Variants in RIOX1 observed in about 807,000 individuals in gnomAD.
RIOX1 encodes the protein ribosomal oxygenase 1, also known as 60S ribosomal protein L8 histidine hydroxylase.
Under a neutral mutation model 44.6 loss-of-function variants are expected in RIOX1, and 33 were observed. The ratio of observed to expected loss-of-function variants is 0.74; its 90% confidence interval spans 0.56 to 0.99. The LOEUF is 0.99. Ranked by LOEUF, RIOX1 falls within the 50% of genes least tolerant of loss-of-function variation. The probability of loss-of-function intolerance (pLI) is 0.00; values close to 1 mark genes in which losing one functional copy is unlikely to be tolerated. For synonymous variants in RIOX1, 387 were observed against 395.8 expected, an observed-to-expected ratio of 0.98 and a Z score of 0.26; for missense variants, 821 against 871.7, an observed-to-expected ratio of 0.94 and a Z score of 0.73.
At position 73,491,000 on chromosome 14, in the gene RIOX1, G is replaced by C; in HGVS notation, c.-18G>C. 7.3e-7 allele frequency: 1 copy of C among 1,377,908 alleles called. No individual in the cohort carries two copies. The highest frequency in any genetic ancestry group is 9.5e-7 in the Non-Finnish European group (1 of 1,057,774). The allele number at this position is 1,377,908 out of a possible 1,614,324, so 85.4% of individuals were successfully genotyped here. ...CGCCCCCGGCCGGCCGGGCGGGGAA[G>C]ACTGGTGTGGTCTGGCCATGGATGG... On this transcript the variant is annotated 5_prime_UTR_variant, in exon 1 of 1. Coordinates refer to ENST00000304061, the MANE Select transcript of RIOX1 (RefSeq NM_024644.5).
Position 73,491,338 on chromosome 14 carries a change from G to C in RIOX1, c.321G>C (p.Glu107Asp). The C allele has an allele frequency of 6.9e-7, 1 of 1,450,708 alleles. No homozygotes were observed. Among genetic ancestry groups the C allele is most frequent in the Non-Finnish European group, 9.1e-7 (1 of 1,103,600 alleles). The allele number at this position is 1,450,708 out of a possible 1,614,324, so 89.9% of individuals were successfully genotyped here. Reference sequence around the variant, plus strand: ...ACCTGGGGCCCGCAGAGCTGCTGGAGGCCTCGCCCGCCGCGCGCTCCCTGC... The same window carrying C: ...ACCTGGGGCCCGCAGAGCTGCTGGACGCCTCGCCCGCCGCGCGCTCCCTGC... ...YGHLGPAELL[E>D]ASPAARSLQT... is the part of the protein sequence containing the mutation. The change falls in exon 1 of 1, where the codon GAG becomes GAC. Residue 107 changes from glutamate (E) to aspartate (D), a missense_variant. By Grantham distance (45) the Glu-to-Asp change is conservative. Coordinates refer to ENST00000304061, the MANE Select transcript of RIOX1 (RefSeq NM_024644.5).
chr14:73,491,034 C>A lies in RIOX1; in HGVS notation c.17C>A (p.Ala6Asp). 1 of 1,560,766 alleles carries A rather than the reference C, an allele frequency of 6.4e-7. No homozygotes were observed. The highest frequency in any genetic ancestry group is 8.7e-7 in the Non-Finnish European group (1 of 1,152,122). Residue 6 changes from alanine (A) to aspartate (D), a missense_variant, in exon 1 of 1, where the codon GCC becomes GAC. Physicochemically the swap from Ala to Asp is moderately radical, Grantham distance 126. This residue lies in a region of RIOX1 where 554 missense variants were observed against 531.2 expected (regional missense o/e 1.04). Transcript: ENST00000304061. MDGLQ[A>D]SAGPLRRGRP... ...GGTCTGGCCATGGATGGGCTCCAGG[C>A]CAGTGCAGGGCCGTTGAGGCGCGGG...
chr14:73,492,203 T>C lies in RIOX1; in HGVS notation c.1186T>C (p.Leu396=). ...VLQTVLEPGD[L]LYFPRGFIHQ... ...GCAGACCGTGCTGGAACCTGGAGAT[T>C]TGCTGTATTTTCCTCGGGGCTTCAT... The change falls in exon 1 of 1, where the codon TTG becomes CTG. Residue 396 remains leucine (L), a synonymous_variant. Transcript: ENST00000304061. The surrounding 1 kb of genome is among the most constrained non-coding windows in gnomAD (Gnocchi z 4.9). The C allele has an allele frequency of 6.2e-7, 1 of 1,613,922 alleles. No individual in the cohort carries two copies. The highest frequency in any genetic ancestry group is 2.2e-5 in the East Asian group (1 of 44,876).
rs753709404 is a variant in RIOX1 at position 73,491,579 on chromosome 14, G to C, written c.562G>C (p.Val188Leu). The part of the protein sequence containing the change: ...EPAWDSPLRR[V>L]LAELNRIPSS... The stretch of plus-strand genomic sequence containing the variant: ...GGCCTGGGACTCCCCGCTGCGGCGC[G>C]TCTTGGCCGAGCTGAACCGCATCCC... The change falls in exon 1 of 1, where the codon GTC becomes CTC. Residue 188 changes from valine (V) to leucine (L), a missense_variant. By Grantham distance (32) the Val-to-Leu change is conservative (BLOSUM62 1). This residue lies in a region of RIOX1 where 554 missense variants were observed against 531.2 expected (regional missense o/e 1.04). Transcript: ENST00000304061. 2 of 1,543,774 alleles carry C rather than the reference G, an allele frequency of 1.3e-6. No individual in the cohort carries two copies. The highest frequency in any genetic ancestry group is 1.2e-5 in the South Asian group (1 of 83,742).
chr14:73,491,038 T>A lies in RIOX1; in HGVS notation c.21T>A (p.Ser7Arg), dbSNP rs978918880. Reference protein sequence around the residue: MDGLQASAGPLRRGRPK... With the variant: MDGLQARAGPLRRGRPK... ...TGGCCATGGATGGGCTCCAGGCCAG[T>A]GCAGGGCCGTTGAGGCGCGGGCGGC... Residue 7 changes from serine (S) to arginine (R), a missense_variant, in exon 1 of 1, where the codon AGT becomes AGA. This residue lies in a region of RIOX1 where 554 missense variants were observed against 531.2 expected (regional missense o/e 1.04). Coordinates refer to ENST00000304061, the MANE Select transcript of RIOX1 (RefSeq NM_024644.5). The A allele has an allele frequency of 6.3e-7, 1 of 1,583,782 alleles. No individual in the cohort carries two copies. The highest frequency in any genetic ancestry group is 8.6e-7 in the Non-Finnish European group (1 of 1,164,814).
rs1885879408 is a variant in RIOX1 at position 73,492,997 on chromosome 14, A to AC, written c.*56dup. 1.9e-5 allele frequency: 26 copies of AC among 1,376,178 alleles called. No homozygotes were observed. The highest frequency in any genetic ancestry group is 2.5e-5 in the Non-Finnish European group (26 of 1,044,588). The allele number at this position is 1,376,178 out of a possible 1,614,324, so 85.2% of individuals were successfully genotyped here. On this transcript the variant is annotated 3_prime_UTR_variant, in exon 1 of 1. Transcript: ENST00000304061. The surrounding 1 kb of genome is among the most constrained non-coding windows in gnomAD (Gnocchi z 4.9). ...GTAGTGATTCTCCGCTGCCACTGCT[A>AC]CCTTTTTTTTTTTTTTTTCCTTAAA...
rs1423377904 is a variant in RIOX1 at position 73,491,136 on chromosome 14, G to A, written c.119G>A (p.Arg40Gln). ...CTGCCCTTGAGGTCCAGGAAGATAC[G>A]AAAGCAGCTGCGAAGTGTTGTATCC... ...LALPLRSRKIRKQLRSVVSRM... is the reference protein window; with the variant it reads ...LALPLRSRKIQKQLRSVVSRM... The change falls in exon 1 of 1, where the codon CGA becomes CAA. Residue 40 changes from arginine (R) to glutamine (Q), a missense_variant. Physicochemically the swap from Arg to Gln is conservative, Grantham distance 43. Coordinates refer to ENST00000304061, the MANE Select transcript of RIOX1 (RefSeq NM_024644.5). 6.2e-7 allele frequency: 1 copy of A among 1,607,580 alleles called. No individual in the cohort carries two copies. Among genetic ancestry groups the A allele is most frequent in the Non-Finnish European group, 8.5e-7 (1 of 1,177,156 alleles).
In RIOX1 at chr14:73,492,252, G is replaced by A; in HGVS notation, c.1235G>A (p.Gly412Glu). The part of the protein sequence containing the change: ...GFIHQAECQD[G>E]VHSLHLTLST... ...ATTCACCAAGCTGAATGCCAGGATG[G>A]AGTCCACTCTCTGCACCTCACCTTG... Residue 412 changes from glycine (G) to glutamate (E), a missense_variant, in exon 1 of 1, where the codon GGA (glycine) becomes GAA (glutamate). Physicochemically the swap from Gly to Glu is moderately conservative, Grantham distance 98. Transcript: ENST00000304061. The surrounding 1 kb of genome is among the most constrained non-coding windows in gnomAD (Gnocchi z 4.9). 6.2e-7 allele frequency: 1 copy of A among 1,613,988 alleles called. No individual in the cohort carries two copies. The highest frequency in any genetic ancestry group is 8.5e-7 in the Non-Finnish European group (1 of 1,179,882).
At position 73,492,220 on chromosome 14, in the gene RIOX1, G is replaced by A; in HGVS notation, c.1203G>A (p.Arg401=). 6.2e-7 allele frequency: 1 copy of A among 1,613,962 alleles called. No homozygotes were observed. The highest frequency in any genetic ancestry group is 8.5e-7 in the Non-Finnish European group (1 of 1,179,888). Residue 401 remains arginine (R), a synonymous_variant, in exon 1 of 1, where the codon CGG becomes CGA. Transcript: ENST00000304061. The surrounding 1 kb of genome is among the most constrained non-coding windows in gnomAD (Gnocchi z 4.9). ...CTGGAGATTTGCTGTATTTTCCTCGGGGCTTCATTCACCAAGCTGAATGCC... is the reference window on the plus strand; with the variant it reads ...CTGGAGATTTGCTGTATTTTCCTCGAGGCTTCATTCACCAAGCTGAATGCC... The part of the protein sequence containing the change: ...LEPGDLLYFP[R]GFIHQAECQD...
rs992455047 is a variant in RIOX1, at chr14:73,491,869, C to A, written c.852C>A (p.Ala284=). 2 of 1,610,842 alleles carry A rather than the reference C, an allele frequency of 1.2e-6. No individual in the cohort carries two copies. Among genetic ancestry groups the A allele is most frequent in the African/African-American group, 2.7e-5 (2 of 74,850 alleles). Residue 284 remains alanine (A), a synonymous_variant, in exon 1 of 1, where the codon GCC becomes GCA. Coordinates refer to ENST00000304061, the MANE Select transcript of RIOX1 (RefSeq NM_024644.5). ...TLNPPGRALP[A]AAWSLYQAGC... ...ACCCACCCGGCCGCGCGCTGCCCGC[C>A]GCCGCGTGGTCCCTGTACCAGGCCG...
Position 73,492,268 on chromosome 14 carries a change from C to T in RIOX1, c.1251C>T (p.His417=). 3 of 1,614,038 alleles carry T rather than the reference C, an allele frequency of 1.9e-6. No individual in the cohort carries two copies. The highest frequency in any genetic ancestry group is 1.3e-5 in the African/African-American group (1 of 75,066). ...GCCAGGATGGAGTCCACTCTCTGCA[C>T]CTCACCTTGTCCACGTACCAGCGCA... ...AECQDGVHSL[H]LTLSTYQRNT... Residue 417 remains histidine (H), a synonymous_variant, in exon 1 of 1, where the codon CAC becomes CAT. Transcript: ENST00000304061. The surrounding 1 kb of genome is among the most constrained non-coding windows in gnomAD (Gnocchi z 4.9).
Position 73,492,363 on chromosome 14 carries a change from A to T in RIOX1, c.1346A>T (p.Glu449Val), listed in dbSNP as rs770076164. 2 of 1,613,794 alleles carry T rather than the reference A, an allele frequency of 1.2e-6. No homozygotes were observed. The highest frequency in any genetic ancestry group is 4.5e-5 in the East Asian group (2 of 44,872). Residue 449 changes from glutamate (E) to valine (V), a missense_variant, in exon 1 of 1, where the codon GAG becomes GTG. Around this residue, in one of 2 missense-constraint regions of RIOX1, gnomAD observed 267 missense variants for 340.5 expected, o/e 0.78. Coordinates refer to ENST00000304061, the MANE Select transcript of RIOX1 (RefSeq NM_024644.5). This position sits in a 1 kb window ranked among gnomAD's most constrained non-coding sequence, Gnocchi z 4.9. ...AVQAAMEENVEFRRGLPRDFM... is the reference protein window; with the variant it reads ...AVQAAMEENVVFRRGLPRDFM... ...CAGGCTGCAATGGAAGAAAATGTGG[A>T]GTTTCGGAGGGGTCTGCCCCGAGAC...
rs548982330 is a variant in RIOX1, at chr14:73,493,327, A to G, written c.*384A>G. 1.8e-6 allele frequency: 1 copy of G among 544,842 alleles called. No individual in the cohort carries two copies. The highest frequency in any genetic ancestry group is 3.0e-5 in the East Asian group (1 of 32,838). 33.8% of individuals were successfully genotyped at this position (544,842 alleles called of 1,614,324 possible). On this transcript the variant is annotated 3_prime_UTR_variant, in exon 1 of 1. Coordinates refer to ENST00000304061, the MANE Select transcript of RIOX1 (RefSeq NM_024644.5). ...TCTTTTTCATGGGCGGGTCGGGGTC[A>G]GTATCCTGTTTGTTATTGTTAAATT...
chr14:73,492,419 G>A lies in RIOX1; in HGVS notation c.1402G>A (p.Asp468Asn), dbSNP rs1282175890. 1 of 1,613,772 alleles carries A rather than the reference G, an allele frequency of 6.2e-7. No individual in the cohort carries two copies. The highest frequency in any genetic ancestry group is 2.2e-5 in the East Asian group (1 of 44,872). ...FMDYMGAQHS[D>N]SKDPRRTAFM... ...GGATTACATGGGGGCCCAGCATTCAGATTCTAAGGATCCGCGAAGAACCGC... is the reference window on the plus strand; with the variant it reads ...GGATTACATGGGGGCCCAGCATTCAAATTCTAAGGATCCGCGAAGAACCGC... Residue 468 changes from aspartate (D) to asparagine (N), a missense_variant, in exon 1 of 1, where the codon GAT becomes AAT. Asp to Asn is a conservative substitution (Grantham distance 23). Coordinates refer to ENST00000304061, the MANE Select transcript of RIOX1 (RefSeq NM_024644.5). The surrounding 1 kb of genome is among the most constrained non-coding windows in gnomAD (Gnocchi z 4.9).
chr14:73,491,547 G>T lies in RIOX1; in HGVS notation c.530G>T (p.Gly177Val). 6.5e-7 allele frequency: 1 copy of T among 1,534,492 alleles called. No individual in the cohort carries two copies. The highest frequency in any genetic ancestry group is 8.7e-7 in the Non-Finnish European group (1 of 1,143,528). The change falls in exon 1 of 1, where the codon GGG becomes GTG. Residue 177 changes from glycine to valine, a missense_variant. By Grantham distance (109) the Gly-to-Val change is moderately radical. Coordinates refer to ENST00000304061, the MANE Select transcript of RIOX1 (RefSeq NM_024644.5). ...GGGCCGCAGGTGGATAACACGGGTG[G>T]GGAGCCGGCCTGGGACTCCCCGCTG... ...ASGPQVDNTG[G>V]EPAWDSPLRR...
rs2140250751 is a variant in RIOX1 at position 73,492,630 on chromosome 14, T to G, written c.1613T>G (p.Val538Gly). The change falls in exon 1 of 1, where the codon GTG becomes GGG. Residue 538 changes from valine to glycine, a missense_variant. Around this residue, in one of 2 missense-constraint regions of RIOX1, gnomAD observed 267 missense variants for 340.5 expected, o/e 0.78. Coordinates refer to ENST00000304061, the MANE Select transcript of RIOX1 (RefSeq NM_024644.5). The surrounding 1 kb of genome is among the most constrained non-coding windows in gnomAD (Gnocchi z 4.9). The stretch of plus-strand genomic sequence containing the variant: ...TGGGAGGCTGGAGAACCTGTAAACG[T>G]GGGGGCCCAGTTGACAACAGAAACA... The part of the protein sequence containing the change: ...IRWEAGEPVN[V>G]GAQLTTETEV... The G allele has an allele frequency of 6.2e-7, 1 of 1,613,900 alleles. No homozygotes were observed. Among genetic ancestry groups the G allele is most frequent in the East Asian group, 2.2e-5 (1 of 44,882 alleles).
chr14:73,493,239 C>A lies in RIOX1; in HGVS notation c.*296C>A. The A allele has an allele frequency of 1.3e-6, 1 of 799,272 alleles. No individual in the cohort carries two copies. The highest frequency in any genetic ancestry group is 2.1e-6 in the Non-Finnish European group (1 of 476,846). The allele number at this position is 799,272 out of a possible 1,614,324, so 49.5% of individuals were successfully genotyped here. On this transcript the variant is annotated 3_prime_UTR_variant, in exon 1 of 1. Coordinates refer to ENST00000304061, the MANE Select transcript of RIOX1 (RefSeq NM_024644.5). ...GCTTCAGTGTACTGGGTAACACTGA[C>A]CATGTCGTTCTGCTTGAGACAGATA...
In RIOX1 at chr14:73,491,043, G is replaced by A. The variant is rs1376507035; in HGVS notation, c.26G>A (p.Gly9Glu). The change falls in exon 1 of 1, where the codon GGG becomes GAG. Residue 9 changes from glycine to glutamate, a missense_variant. This residue lies in a region of RIOX1 where 554 missense variants were observed against 531.2 expected (regional missense o/e 1.04). Transcript: ENST00000304061. ...ATGGATGGGCTCCAGGCCAGTGCAGGGCCGTTGAGGCGCGGGCGGCCGAAG... is the reference window on the plus strand; with the variant it reads ...ATGGATGGGCTCCAGGCCAGTGCAGAGCCGTTGAGGCGCGGGCGGCCGAAG... MDGLQASA[G>E]PLRRGRPKRR... The A allele has an allele frequency of 1.3e-6, 2 of 1,586,132 alleles. No homozygotes were observed. The highest frequency in any genetic ancestry group is 1.7e-6 in the Non-Finnish European group (2 of 1,166,016).
rs1358824522 is a variant in RIOX1, at chr14:73,493,115, A to C, written c.*172A>C. On this transcript the variant is annotated 3_prime_UTR_variant, in exon 1 of 1. Transcript: ENST00000304061. ...AACCTCGGAAGGTCTTCTAGGAAGAACCATCTCATCTAGGTACAAAAGGAA... is the reference window on the plus strand; with the variant it reads ...AACCTCGGAAGGTCTTCTAGGAAGACCCATCTCATCTAGGTACAAAAGGAA... 1 of 1,613,228 alleles carries C rather than the reference A, an allele frequency of 6.2e-7. No individual in the cohort carries two copies. Among genetic ancestry groups the C allele is most frequent in the Non-Finnish European group, 8.5e-7 (1 of 1,179,796 alleles).
Sources: gnomAD v4.1 joint callset for allele counts on GRCh38, gnomAD v4.1.1 for gene constraint, gnomAD v4.1.1 regional missense constraint, Gnocchi (gnomAD v3.1) non-coding constraint, MANE v1.5 for transcripts, NCBI Gene and HGNC (gene_info 2026-07-23, HGNC 2026-07-21) for gene names.